HERC1: variants seen among roughly 807,000 people sequenced by gnomAD.
HERC1 encodes the protein HECT and RLD domain containing E3 ubiquitin protein ligase family member 1.
Under a neutral mutation model 554.3 loss-of-function variants are expected in HERC1, and 160 were observed. The ratio of observed to expected loss-of-function variants is 0.29; its 90% CI spans 0.25 to 0.33. The LOEUF is 0.33. HERC1 is among the 10% of genes least tolerant of loss of function. HERC1 has a pLI of 1.00. For missense variants in HERC1, 4,919 were observed against 5,918.5 expected (o/e 0.83, Z 5.54); for synonymous variants, 2,175 against 2,131.7 (o/e 1.02, Z -0.56).
At chr15:63,643,343 A>T in intron 58 of HERC1, 61 bp downstream of exon 58, 1 of 1,406,206 alleles carries the variant, frequency 7.1e-7, no homozygotes, top group Admixed American at 2.2e-5. Context: ...AATTTTTATC[A>T]CATGTGTTTA....
chr15:63,818,784 T>C (rs2077582839), intron 1 of HERC1, among the ~76,000 whole-genome samples: 1 of 152,234 alleles, frequency 6.6e-6, no homozygotes, highest in African/African-American at 2.4e-5. Context: ...TCTGCCTTTT[T>C]AGAAGCTACC....
chr15:63,725,424 C>T lies in HERC1; in HGVS notation c.3436G>A (p.Ala1146Thr). 1.2e-6 allele frequency: 2 copies of T among 1,613,870 alleles called. No homozygotes were observed. Among genetic ancestry groups the T allele is most frequent in the Non-Finnish European group, 1.7e-6 (2 of 1,179,856 alleles). The change falls in exon 18 of 78, where the codon GCT becomes ACT. Residue 1146 changes from alanine to threonine, a missense_variant. By Grantham distance (58) the Ala-to-Thr change is moderately conservative. Coordinates refer to ENST00000443617, the MANE Select transcript of HERC1 (RefSeq NM_003922.4). ...CCAAGACACCGCCCAATAAGGAGAG[C>T]AATTGTTCTTTCTAGATCCACAAGC... ...VWLVDLERTI[A>T]LLIGRCLGGM...
intron 56 of HERC1, 42 bp from the exon 57 acceptor site, chr15:63,645,139 G>A: frequency 1.5e-6 from 2 of 1,347,268 alleles, no homozygotes; most frequent in African/African-American, 1.4e-5. Flanking sequence ...ATGTCAATAT[G>A]CATTAAGTAA....
At chr15:63,807,933 T>C (rs2077183602) in intron 1 of HERC1, among the ~76,000 whole-genome samples, 1 of 151,920 alleles carries the variant, frequency 6.6e-6, no homozygotes, top group East Asian at 1.9e-4. Context: ...CCCTCAATTA[T>C]CTTTCTTATC....
At chr15:63,728,605 G>C (rs919871585) in intron 16 of HERC1, among the ~76,000 whole-genome samples, 7 of 152,238 alleles carry the variant, frequency 4.6e-5, no homozygotes, top group African/African-American at 1.7e-4. Context: ...ACACCCAGTA[G>C]GCAATTAAAG....
intron 49 of HERC1, 22 bp downstream of exon 49, chr15:63,656,065 GA>G (rs2070018400): frequency 1.2e-6 from 2 of 1,607,054 alleles, no homozygotes; most frequent in Non-Finnish European, 1.7e-6. Context: ...ATGTAACGGG[GA>G]AAAGTACTGA....
chr15:63,728,534 A>AG (rs2074131300), intron 16 of HERC1, among the ~76,000 whole-genome samples: 1 of 152,140 alleles, frequency 6.6e-6, no homozygotes, highest in Non-Finnish European at 1.5e-5. Flanking sequence ...GGGGAACTTC[A>AG]GGGGCAGCTG....
At chr15:63,637,889 A>C (rs1294100727) in intron 63 of HERC1, among the ~76,000 whole-genome samples, 1 of 152,226 alleles carries the variant, frequency 6.6e-6, no homozygotes, top group African/African-American at 2.4e-5. Context: ...AATGGATGAA[A>C]GAAAAAGGAA....
At position 63,756,503 on chromosome 15, in the gene HERC1, T is replaced by C; in HGVS notation, c.1467A>G (p.Lys489=). The C allele has an allele frequency of 1.9e-6, 3 of 1,614,026 alleles. No individual in the cohort carries two copies. The highest frequency in any genetic ancestry group is 2.5e-6 in the Non-Finnish European group (3 of 1,179,880). The change falls in exon 5 of 78, where the codon AAA becomes AAG. Residue 489 remains lysine (K), a synonymous_variant. Coordinates refer to ENST00000443617, the MANE Select transcript of HERC1 (RefSeq NM_003922.4). The surrounding 1 kb of genome is among the most constrained non-coding windows in gnomAD (Gnocchi z 5.0). ...VFSWGDGDYG[K]LGHGNSSTQK... Reference sequence around the variant, plus strand: ...GTGTTGAACTATTTCCATGCCCCAGTTTCCCATAATCACCATCTCCCCAAC... The same window carrying C: ...GTGTTGAACTATTTCCATGCCCCAGCTTCCCATAATCACCATCTCCCCAAC...
Position 63,678,017 on chromosome 15 carries a change from A to G in HERC1, c.6898T>C (p.Cys2300Arg). The G allele has an allele frequency of 6.2e-7, 1 of 1,613,964 alleles. No homozygotes were observed. Among genetic ancestry groups the G allele is most frequent in the Non-Finnish European group, 8.5e-7 (1 of 1,179,878 alleles). Residue 2300 changes from cysteine to arginine, a missense_variant, in exon 37 of 78, where the codon TGC becomes CGC. By Grantham distance (180) the Cys-to-Arg change is radical. Around this residue, in one of 11 missense-constraint regions of HERC1, gnomAD observed 1,963 missense variants for 2,228.6 expected, o/e 0.88. Transcript: ENST00000443617. Reference protein sequence around the residue: ...DLSELQLRTLCIEVWPVLAVI... With the variant: ...DLSELQLRTLRIEVWPVLAVI... ...GCCAGCACGGGCCACACCTCTATGC[A>G]AAGAGTCCTCAGCTGCAGCTCTGAG...
At chr15:63,674,244 T>G (rs2071084425) in intron 38 of HERC1, 98 bp downstream of exon 38, 2 of 1,085,682 alleles carry the variant, frequency 1.8e-6, no homozygotes, top group African/African-American at 3.3e-5. Flanking sequence ...AAAATTTTTT[T>G]TTTTTTACAA....
At chr15:63,813,170 T>C (rs1438646284) in intron 1 of HERC1, among the ~76,000 whole-genome samples, 4 of 152,220 alleles carry the variant, frequency 2.6e-5, no homozygotes, top group African/African-American at 7.2e-5. Context: ...AATTATTAGA[T>C]ATTGTCAATA....
intron 25 of HERC1, among the ~76,000 whole-genome samples, chr15:63,701,028 G>GT (rs1326822929): frequency 2.0e-5 from 3 of 151,296 alleles, no homozygotes; most frequent in Admixed American, 6.6e-5. Context: ...TTTTTTGGGG[G>GT]GGTGTTTTTT....
chr15:63,739,935 G>C (rs1347423238), intron 12 of HERC1, among the ~76,000 whole-genome samples: 1 of 151,414 alleles, frequency 6.6e-6, no homozygotes, highest in East Asian at 1.9e-4. Context: ...TTTTCAGACA[G>C]AGTCTCACTC....
chr15:63,805,204 C>A (rs2077100679), intron 1 of HERC1, among the ~76,000 whole-genome samples: 1 of 152,040 alleles, frequency 6.6e-6, no homozygotes, highest in African/African-American at 2.4e-5. Context: ...TGAATAGGTA[C>A]ATCATAATAT....
intron 34 of HERC1, among the ~76,000 whole-genome samples, chr15:63,685,007 T>G (rs993932820): frequency 1.3e-5 from 2 of 152,232 alleles, no homozygotes; most frequent in African/African-American, 4.8e-5. Context: ...AGACTCCGTC[T>G]CAACCAAAAA....
intron 22 of HERC1, 48 bp downstream of exon 22, chr15:63,716,254 A>G: frequency 1.3e-6 from 2 of 1,534,248 alleles, no homozygotes; most frequent in South Asian, 2.4e-5. Context: ...TCCCCTATCA[A>G]AAAGCATGCC....
rs74566370 is a variant in HERC1, at chr15:63,662,164, C to G, written c.8902-143G>C. 7,131 of 936,590 alleles carry G rather than the reference C, an allele frequency of 7.6e-3. 35 individuals are homozygous for G. Among genetic ancestry groups the G allele is most frequent in the Non-Finnish European group, 9.5e-3 (6,218 of 651,188 alleles). The allele number at this position is 936,590 out of a possible 1,614,324, so 58.0% of individuals were successfully genotyped here. A position where few individuals can be genotyped will look rare whatever the true frequency, so the allele number is the denominator to read the frequency against. ...TTCATTAATGCTAAATAAAAAATTT[C>G]TTTCAAATCAGAATTCAGATAACAC... is the stretch of plus-strand genomic sequence containing the variant. On this transcript the variant is annotated intron_variant, in intron 44 of 77. Coordinates refer to ENST00000443617, the MANE Select transcript of HERC1 (RefSeq NM_003922.4).
At chr15:63,784,975 T>C (rs2143607876) in intron 1 of HERC1, among the ~76,000 whole-genome samples, 1 of 152,344 alleles carries the variant, frequency 6.6e-6, no homozygotes, top group South Asian at 2.1e-4. Context: ...CCTAAATTTT[T>C]GGAAACTAAG....
Sources: allele counts gnomAD v4.1 joint callset (sites outside exome capture counted in the v4.1 genomes callset), GRCh38; gene constraint gnomAD v4.1.1; regional missense constraint gnomAD v4.1.1; non-coding constraint Gnocchi (gnomAD v3.1); transcripts MANE v1.5; gene names NCBI Gene and HGNC (gene_info 2026-07-23, HGNC 2026-07-21).